The following MAP3K4 variants were observed in gnomAD, a reference collection of about 807,000 sequenced individuals.
MAP3K4 encodes MAP three kinase 1.
A neutral mutation model predicts 185.6 loss-of-function variants in MAP3K4; 67 were observed. That is an observed-to-expected ratio of 0.36 (90% CI 0.30 to 0.44). The LOEUF is 0.44. Among genes scored for constraint, MAP3K4 ranks in the 20% least tolerant of loss-of-function variants. The pLI is 1.00. For missense variants in MAP3K4, 1,551 were observed against 1,995.1 expected, an observed-to-expected ratio of 0.78 and a Z score of 4.24; for synonymous variants, 702 against 710.4, an observed-to-expected ratio of 0.99 and a Z score of 0.19.
rs573695233 is a variant in MAP3K4 at position 161,037,232 on chromosome 6, C to T, written c.343+2783C>T. ...TTTATTTGTTCTCAGACTATTGCAG[C>T]ACAGCATGGTGGACAAAAGCAGAAT... On this transcript the variant is annotated intron_variant, in intron 2 of 26. Coordinates refer to ENST00000392142, the MANE Select transcript of MAP3K4 (RefSeq NM_005922.4). The surrounding 1 kb of genome is among the most constrained non-coding windows in gnomAD (Gnocchi z 4.2). Among the ~76,000 whole-genome samples, 1 of 152,268 alleles carries T rather than the reference C, an allele frequency of 6.6e-6. No individual in the cohort carries two copies. Among genetic ancestry groups the T allele is most frequent in the Non-Finnish European group, 1.5e-5 (1 of 68,022 alleles).
At position 161,098,577 on chromosome 6, in the gene MAP3K4, G is replaced by A. The variant is rs556391791; in HGVS notation, c.3674+150G>A. 1.0e-5 allele frequency: 9 copies of A among 866,416 alleles called. No homozygotes were observed. The highest frequency in any genetic ancestry group is 3.4e-5 in the African/African-American group (2 of 58,320). The allele number at this position is 866,416 out of a possible 1,614,324, so 53.7% of individuals were successfully genotyped here. A position where few individuals can be genotyped will look rare whatever the true frequency, so the allele number is the denominator to read the frequency against. On this transcript the variant is annotated intron_variant, in intron 17 of 26. Coordinates refer to ENST00000392142, the MANE Select transcript of MAP3K4 (RefSeq NM_005922.4). The surrounding 1 kb of genome is among the most constrained non-coding windows in gnomAD (Gnocchi z 4.4). ...TCTAGGGCCTTCCGCAGGTTGTCAC[G>A]GCCCAGAGGCTCTGGCACTGACCAA...
At chr6:161,079,229 A>AAG (rs1785326260) in intron 5 of MAP3K4, among the ~76,000 whole-genome samples, 2 of 150,936 alleles carry the variant, frequency 1.3e-5, no homozygotes, top group Admixed American at 6.6e-5. Flanking sequence ...AAAAAAAAAA[A>AAG]AAAAAGCAGT....
intron 1 of MAP3K4, among the ~76,000 whole-genome samples, chr6:161,029,244 C>T (rs1400154543): frequency 1.5e-5 from 2 of 131,598 alleles, no homozygotes; most frequent in Admixed American, 8.1e-5. Flanking sequence ...GTTTTTTTGG[C>T]GGGGGTGGTG....
In MAP3K4 at chr6:161,091,646, T is replaced by G. The variant is rs1777317152; in HGVS notation, c.3135+106T>G. 1.0e-6 allele frequency: 1 copy of G among 988,198 alleles called. No individual in the cohort carries two copies. Among genetic ancestry groups the G allele is most frequent in the African/African-American group, 1.6e-5 (1 of 60,898 alleles). The allele number at this position is 988,198 out of a possible 1,614,324, so 61.2% of individuals were successfully genotyped here. On this transcript the variant is annotated intron_variant, in intron 12 of 26. Coordinates refer to ENST00000392142, the MANE Select transcript of MAP3K4 (RefSeq NM_005922.4). This position sits in a 1 kb window ranked among gnomAD's most constrained non-coding sequence, Gnocchi z 5.5. ...GTAAATCTGATATTGTAATCATAGC[T>G]TAATCAAGAATATCATCTTATATCA...
chr6:161,039,300 A>AAC (rs1783333186), intron 2 of MAP3K4, among the ~76,000 whole-genome samples: 3 of 151,436 alleles, frequency 2.0e-5, no homozygotes, highest in Non-Finnish European at 4.4e-5. Context: ...AAAAAAAAAA[A>AAC]CATCAAGTAC....
chr6:161,001,073 TTATAA>T (rs1302147787), intron 1 of MAP3K4, among the ~76,000 whole-genome samples: 2 of 127,036 alleles, frequency 1.6e-5, no homozygotes, highest in East Asian at 2.1e-4. Context: ...ATATTATATA[TTATAA>T]TATACACATA....
At chr6:161,057,793 G>A (rs1036841390) in intron 3 of MAP3K4, among the ~76,000 whole-genome samples, 3 of 152,172 alleles carry the variant, frequency 2.0e-5, no homozygotes, top group Admixed American at 2.0e-4. Flanking sequence ...CAAGAACTTT[G>A]TAATTGAATG....
chr6:161,027,533 A>C (rs1236335197), intron 1 of MAP3K4, among the ~76,000 whole-genome samples: 1 of 152,192 alleles, frequency 6.6e-6, no homozygotes, highest in Non-Finnish European at 1.5e-5. Flanking sequence ...AAAGTCTTTA[A>C]ATTCTTGTTC....
rs139068512 is a variant in MAP3K4 at position 161,064,916 on chromosome 6, C to T, written c.1708-5692C>T. ...CATGGGCCAATGCCTTCGTGGAGTC[C>T]AAGGTATTGTCCAAACAGGTTTCCC... is the stretch of plus-strand genomic sequence containing the variant. On this transcript the variant is annotated intron_variant, in intron 3 of 26. Coordinates refer to ENST00000392142, the MANE Select transcript of MAP3K4 (RefSeq NM_005922.4). This position sits in a 1 kb window ranked among gnomAD's most constrained non-coding sequence, Gnocchi z 4.3. 1.4e-3 allele frequency among the ~76,000 whole-genome samples: 218 copies of T among 152,210 alleles called. No homozygotes were observed. Among genetic ancestry groups the T allele is most frequent in the Non-Finnish European group, 2.5e-3 (170 of 68,008 alleles).
Position 161,034,161 on chromosome 6 carries a change from A to G in MAP3K4, c.153-98A>G, listed in dbSNP as rs1048822706. The G allele has an allele frequency of 3.1e-6, 3 of 977,932 alleles. No homozygotes were observed. The highest frequency in any genetic ancestry group is 4.4e-6 in the Non-Finnish European group (3 of 675,088). 60.6% of individuals were successfully genotyped at this position (977,932 alleles called of 1,614,324 possible). A position where few individuals can be genotyped will look rare whatever the true frequency, so the allele number is the denominator to read the frequency against. On this transcript the variant is annotated intron_variant, in intron 1 of 26. Coordinates refer to ENST00000392142, the MANE Select transcript of MAP3K4 (RefSeq NM_005922.4). The surrounding 1 kb of genome is among the most constrained non-coding windows in gnomAD (Gnocchi z 4.4). ...CACAGTGCTGAAGAGATTTTTCTGTACAAAAGTTTTACAAAGAATTATTTA... is the reference window on the plus strand; with the variant it reads ...CACAGTGCTGAAGAGATTTTTCTGTGCAAAAGTTTTACAAAGAATTATTTA...
In MAP3K4 at chr6:161,073,498, C is replaced by T. The variant is rs1217820187; in HGVS notation, c.1983C>T (p.Gly661=). 14 of 1,612,382 alleles carry T rather than the reference C, an allele frequency of 8.7e-6. No individual in the cohort carries two copies. Among genetic ancestry groups the T allele is most frequent in the East Asian group, 2.2e-5 (1 of 44,722 alleles). The change falls in exon 5 of 27, where the codon GGC becomes GGT. Residue 661 remains glycine, a synonymous_variant. Coordinates refer to ENST00000392142, the MANE Select transcript of MAP3K4 (RefSeq NM_005922.4). The surrounding 1 kb of genome is among the most constrained non-coding windows in gnomAD (Gnocchi z 4.2). Reference sequence around the variant, plus strand: ...GAGAGTGTAAGGAGGTCCTGAAGGGCGGCCTGCTGATGAAGCAGTACTACC... The same window carrying T: ...GAGAGTGTAAGGAGGTCCTGAAGGGTGGCCTGCTGATGAAGCAGTACTACC... The part of the protein sequence containing the change: ...LVRECKEVLK[G]GLLMKQYYQF...
chr6:161,035,897 A>G (rs1333360531), intron 2 of MAP3K4, among the ~76,000 whole-genome samples: 2 of 152,230 alleles, frequency 1.3e-5, no homozygotes, highest in African/African-American at 2.4e-5. Flanking sequence ...TTATAGATTG[A>G]GAAACTGAGG....
intron 3 of MAP3K4, among the ~76,000 whole-genome samples, chr6:161,065,348 C>T (rs1784659096): frequency 6.6e-6 from 1 of 152,200 alleles, no homozygotes; most frequent in Non-Finnish European, 1.5e-5. Flanking sequence ...GGGTTTTACA[C>T]TGTGTTTGAT....
intron 2 of MAP3K4, among the ~76,000 whole-genome samples, chr6:161,042,227 T>G (rs78763283): frequency 6.6e-6 from 1 of 152,086 alleles, no homozygotes; most frequent in Non-Finnish European, 1.5e-5. Context: ...GAAGAGGCTG[T>G]GTACTACAAA....
chr6:161,020,654 T>C (rs1483647883), intron 1 of MAP3K4, among the ~76,000 whole-genome samples: 2 of 135,244 alleles, frequency 1.5e-5, no homozygotes, highest in East Asian at 4.1e-4. Context: ...TGAGACTCTG[T>C]CTAAAAAAAA....
chr6:161,046,184 C>A (rs1783720208), intron 2 of MAP3K4, among the ~76,000 whole-genome samples: 1 of 151,986 alleles, frequency 6.6e-6, no homozygotes, highest in Non-Finnish European at 1.5e-5. Flanking sequence ...TTGTGTTTCC[C>A]AGTAATAAAG....
intron 1 of MAP3K4, among the ~76,000 whole-genome samples, chr6:161,005,441 T>C (rs1161015942): frequency 6.6e-6 from 1 of 152,044 alleles, no homozygotes; most frequent in African/African-American, 2.4e-5. Flanking sequence ...TGCCCAGCTT[T>C]AGACTTAAAT....
chr6:161,013,184 G>A (rs1238306857), intron 1 of MAP3K4, among the ~76,000 whole-genome samples: 3 of 152,134 alleles, frequency 2.0e-5, no homozygotes, highest in Non-Finnish European at 4.4e-5. Context: ...ACTAAAAACT[G>A]TTTGCTAATT....
intron 3 of MAP3K4, among the ~76,000 whole-genome samples, chr6:161,055,212 CAA>C (rs1429254279): frequency 6.6e-6 from 1 of 152,204 alleles, no homozygotes; most frequent in African/African-American, 2.4e-5. Context: ...TAAAAGTTAA[CAA>C]GAGTCATCTC....
Sources: allele counts gnomAD v4.1 joint callset (sites outside exome capture counted in the v4.1 genomes callset), GRCh38; gene constraint gnomAD v4.1.1; non-coding constraint Gnocchi (gnomAD v3.1); transcripts MANE v1.5; gene names NCBI Gene and HGNC (gene_info 2026-07-23, HGNC 2026-07-21).